YPEL2: variants seen among roughly 807,000 people sequenced by gnomAD.
The protein encoded by YPEL2 is protein yippee-like 2.
Under a neutral mutation model 19.1 loss-of-function variants are expected in YPEL2, and 2 were observed. That is an observed-to-expected ratio of 0.10 (90% CI 0.04 to 0.33). The LOEUF (loss-of-function observed/expected upper bound fraction) is 0.33. YPEL2 is among the 10% of genes least tolerant of loss of function. The pLI is 1.00. For synonymous variants in YPEL2, 52 were observed against 50.0 expected, an observed-to-expected ratio of 1.04 and a Z score of -0.17; for missense variants, 66 against 140.7, an observed-to-expected ratio of 0.47 and a Z score of 2.68.
intron 1 of YPEL2, among the ~76,000 whole-genome samples, chr17:59,346,465 A>C (rs2047757015): frequency 6.6e-6 from 1 of 151,960 alleles, no homozygotes; most frequent in Non-Finnish European, 1.5e-5. Context: ...TGGTGAGGAG[A>C]GAATTGGGTT....
At chr17:59,332,774 C>T (rs568591240) in intron 1 of YPEL2, among the ~76,000 whole-genome samples, 1 of 152,216 alleles carries the variant, frequency 6.6e-6, no homozygotes, top group East Asian at 1.9e-4. Flanking sequence ...GCCCGCCCCC[C>T]AGTCCCGCCG....
At chr17:59,382,194 A>T (rs1399559835) in intron 2 of YPEL2, among the ~76,000 whole-genome samples, 2 of 152,218 alleles carry the variant, frequency 1.3e-5, no homozygotes, top group Non-Finnish European at 1.5e-5. Context: ...GTTCATAGAT[A>T]CTGCTCCTCA....
At chr17:59,392,947 G>A (rs2048015410) in intron 4 of YPEL2, among the ~76,000 whole-genome samples, 1 of 152,164 alleles carries the variant, frequency 6.6e-6, no homozygotes, top group Non-Finnish European at 1.5e-5. Context: ...ACCGCACCTG[G>A]CCCTCCTTTC....
Position 59,400,716 on chromosome 17 carries a change from T to C in YPEL2, c.*3526T>C, listed in dbSNP as rs1376749163. The stretch of plus-strand genomic sequence containing the variant: ...TCCTGTTGGAAGAATTTCCAACAAA[T>C]CAGAATCACGTTTTTAGTTGTGCGT... On this transcript the variant is annotated 3_prime_UTR_variant, in exon 5 of 5. Coordinates refer to ENST00000312655, the MANE Select transcript of YPEL2 (RefSeq NM_001005404.4). 2 of 152,608 alleles carry C rather than the reference T, an allele frequency of 1.3e-5. No individual in the cohort carries two copies. The highest frequency in any genetic ancestry group is 3.9e-4 in the East Asian group (2 of 5,188). 9.5% of individuals were successfully genotyped at this position (152,608 alleles called of 1,614,324 possible).
intron 1 of YPEL2, among the ~76,000 whole-genome samples, chr17:59,349,634 C>T (rs2047777444): frequency 1.3e-5 from 2 of 151,790 alleles, no homozygotes; most frequent in African/African-American, 4.8e-5. Context: ...TGACCACCTT[C>T]CCCGGCCCCC....
chr17:59,391,426 T>A (rs111526207), intron 4 of YPEL2, among the ~76,000 whole-genome samples: 3 of 151,866 alleles, frequency 2.0e-5, no homozygotes, highest in Non-Finnish European at 2.9e-5. Flanking sequence ...GGGAAAAAAA[T>A]ATATTTACAC....
chr17:59,336,282 A>C (rs1049988506), intron 1 of YPEL2, among the ~76,000 whole-genome samples: 2 of 152,110 alleles, frequency 1.3e-5, no homozygotes, highest in Admixed American at 1.3e-4. Context: ...CCTTTATTCC[A>C]TTTATAGGTT....
At chr17:59,362,372 C>T (rs982970638) in intron 2 of YPEL2, among the ~76,000 whole-genome samples, 26 of 151,874 alleles carry the variant, frequency 1.7e-4, no homozygotes, top group Admixed American at 7.2e-4. Flanking sequence ...CGCACAGTCA[C>T]GCCTGCTCCC....
intron 2 of YPEL2, among the ~76,000 whole-genome samples, chr17:59,377,997 A>G (rs564276380): frequency 6.6e-6 from 1 of 152,300 alleles, no homozygotes; most frequent in South Asian, 2.1e-4. Flanking sequence ...AATCGGCAAT[A>G]TGTTCCTCCT....
chr17:59,356,921 C>T (rs1018435032), intron 2 of YPEL2, among the ~76,000 whole-genome samples: 3 of 152,222 alleles, frequency 2.0e-5, no homozygotes, highest in Non-Finnish European at 2.9e-5. Context: ...GGCCTGATCT[C>T]CTACTGCCAT....
chr17:59,336,211 T>G (rs964792748), intron 1 of YPEL2, among the ~76,000 whole-genome samples: 2 of 152,240 alleles, frequency 1.3e-5, no homozygotes, highest in African/African-American at 2.4e-5. Flanking sequence ...TGGGATAATA[T>G]AGTATGCTCT....
chr17:59,373,137 G>A (rs2147949236), intron 2 of YPEL2, among the ~76,000 whole-genome samples: 1 of 152,322 alleles, frequency 6.6e-6, no homozygotes, highest in Non-Finnish European at 1.5e-5. Flanking sequence ...AAAGTGCTGG[G>A]ATTACAGGCG....
At chr17:59,379,600 G>A (rs966376125) in intron 2 of YPEL2, among the ~76,000 whole-genome samples, 29 of 152,286 alleles carry the variant, frequency 1.9e-4, no homozygotes, top group African/African-American at 7.0e-4. Flanking sequence ...GAGGCTGGGG[G>A]CACGGGAGAC....
At chr17:59,391,216 C>T (rs1432667832) in intron 4 of YPEL2, among the ~76,000 whole-genome samples, 1 of 151,976 alleles carries the variant, frequency 6.6e-6, no homozygotes, top group Non-Finnish European at 1.5e-5. Context: ...TCTGAAGGAG[C>T]CTGAAGGAGT....
At chr17:59,381,397 A>G (rs1347105824) in intron 2 of YPEL2, among the ~76,000 whole-genome samples, 1 of 152,164 alleles carries the variant, frequency 6.6e-6, no homozygotes, top group Non-Finnish European at 1.5e-5. Context: ...GAAGTTTGAG[A>G]GGCTCTGCTC....
rs2047944260 is a variant in YPEL2 at position 59,380,572 on chromosome 17, AACTTATCTTTTAC to A, written c.118-7752_118-7740del. ...AGCATGAGCCACCACGGCCAGCCCT[AACTTATCTTTTAC>A]ACAAATCAGGTGTGAGTGAGAGCTA... On this transcript the variant is annotated intron_variant, in intron 2 of 4. Transcript: ENST00000312655. 2.0e-5 allele frequency among the ~76,000 whole-genome samples: 3 copies of A among 152,196 alleles called. No homozygotes were observed. The South Asian group carries it at 6.2e-4, about 32-fold the overall frequency.
In YPEL2 at chr17:59,389,421, G is replaced by T. The variant is rs186477591; in HGVS notation, c.223G>T (p.Ala75Ser). ...GTTGCTAACAGGACTGCATGCAGTC[G>T]CAGACATTTACTGTGAAAACTGCAA... The part of the protein sequence containing the change: ...RVLLTGLHAV[A>S]DIYCENCKTT... Residue 75 changes from alanine (A) to serine (S), a missense_variant, in exon 4 of 5, where the codon GCA becomes TCA. Transcript: ENST00000312655. 1 of 1,613,976 alleles carries T rather than the reference G, an allele frequency of 6.2e-7. No individual in the cohort carries two copies. The highest frequency in any genetic ancestry group is 8.5e-7 in the Non-Finnish European group (1 of 1,180,004).
chr17:59,361,236 CT>C (rs1478139904), intron 2 of YPEL2, among the ~76,000 whole-genome samples: 2 of 152,198 alleles, frequency 1.3e-5, no homozygotes, highest in African/African-American at 2.4e-5. Flanking sequence ...TGTGCCTATA[CT>C]TGCTCTTATC....
chr17:59,375,359 A>G (rs1208755703), intron 2 of YPEL2, among the ~76,000 whole-genome samples: 1 of 152,216 alleles, frequency 6.6e-6, no homozygotes, highest in Non-Finnish European at 1.5e-5. Context: ...CAACTCCTGA[A>G]GCATTCTTCA....
Sources: allele counts gnomAD v4.1 joint callset (sites outside exome capture counted in the v4.1 genomes callset), GRCh38; gene constraint gnomAD v4.1.1; transcripts MANE v1.5; gene names NCBI Gene and HGNC (gene_info 2026-07-23, HGNC 2026-07-21).